The following SOCS4 variants were observed in gnomAD, a reference collection of about 807,000 sequenced individuals.
The protein encoded by SOCS4 is SH2 domain containing SOCS box protein.
SOCS4 carries 20 observed loss-of-function variants against 34.1 expected under a neutral mutation model. The ratio of observed to expected loss-of-function variants is 0.59; its 90% CI spans 0.41 to 0.85. SOCS4 has a LOEUF of 0.85. Among genes scored for constraint, SOCS4 ranks in the 40% least tolerant of loss-of-function variants. The pLI is 0.00. For missense variants in SOCS4, 479 were observed against 532.4 expected (o/e 0.90, Z 0.99); for synonymous variants, 180 against 186.4 (o/e 0.97, Z 0.28).
intron 2 of SOCS4, among the ~76,000 whole-genome samples, chr14:55,033,746 T>A (rs1435414274): frequency 6.6e-6 from 1 of 152,248 alleles, no homozygotes; most frequent in Non-Finnish European, 1.5e-5. Context: ...AGACCTTGCA[T>A]GTTATAAAAC....
intron 2 of SOCS4, among the ~76,000 whole-genome samples, chr14:55,041,853 G>T (rs193230219): frequency 7.3e-6 from 1 of 136,454 alleles, no homozygotes; most frequent in African/African-American, 2.7e-5. Context: ...GTGCCGTGGC[G>T]CAGTCTTGGT....
At chr14:55,039,425 C>A (rs1490167524) in intron 2 of SOCS4, among the ~76,000 whole-genome samples, 1 of 151,230 alleles carries the variant, frequency 6.6e-6, no homozygotes, top group Non-Finnish European at 1.5e-5. Context: ...GCGATAGAGA[C>A]CCTGTCTTAA....
Position 55,044,429 on chromosome 14 carries a change from T to C in SOCS4, c.*65T>C. Reference sequence around the variant, plus strand: ...TCTTTTAATATTTTATTTTTCTTTTTATGCCACTTTGGATTTTTCTACAAA... The same window carrying C: ...TCTTTTAATATTTTATTTTTCTTTTCATGCCACTTTGGATTTTTCTACAAA... On this transcript the variant is annotated 3_prime_UTR_variant, in exon 3 of 3. Coordinates refer to ENST00000555846, the MANE Select transcript of SOCS4 (RefSeq NM_199421.2). 1 of 1,207,578 alleles carries C rather than the reference T, an allele frequency of 8.3e-7. No homozygotes were observed. The highest frequency in any genetic ancestry group is 1.1e-6 in the Non-Finnish European group (1 of 940,912). 74.8% of individuals were successfully genotyped at this position (1,207,578 alleles called of 1,614,324 possible). A position where few individuals can be genotyped will look rare whatever the true frequency, so the allele number is the denominator to read the frequency against.
In SOCS4 at chr14:55,043,599, CTG is replaced by C; in HGVS notation, c.560_561del (p.Cys187PhefsTer19). The C allele has an allele frequency of 6.2e-7, 1 of 1,614,150 alleles. No individual in the cohort carries two copies. The highest frequency in any genetic ancestry group is 8.5e-7 in the Non-Finnish European group (1 of 1,180,014). ...GAAGAAATATGGAAGAAAATATAAACTGTTTCTCACATACCAATGTTCAGCCC... is the reference window on the plus strand; with the variant it reads ...GAAGAAATATGGAAGAAAATATAAACTTTCTCACATACCAATGTTCAGCCC... The part of the protein sequence containing the change: ...KRRNMEENIN[C>X]FSHTNVQPCV... On this transcript the variant is annotated frameshift_variant, in exon 3 of 3. Coordinates refer to ENST00000555846, the MANE Select transcript of SOCS4 (RefSeq NM_199421.2). LOFTEE classifies it high-confidence loss of function.
chr14:55,039,752 C>T (rs1418035735), intron 2 of SOCS4, among the ~76,000 whole-genome samples: 4 of 152,080 alleles, frequency 2.6e-5, no homozygotes, highest in African/African-American at 7.2e-5. Context: ...AAAAATTATC[C>T]GGGCATGGTG....
At chr14:55,032,408 A>G (rs551439314) in intron 2 of SOCS4, among the ~76,000 whole-genome samples, 1 of 152,266 alleles carries the variant, frequency 6.6e-6, no homozygotes, top group South Asian at 2.1e-4. Flanking sequence ...TATTGTTGTC[A>G]TTGTAATTTG....
intron 1 of SOCS4, among the ~76,000 whole-genome samples, chr14:55,028,705 T>C (rs1474848634): frequency 6.6e-6 from 1 of 152,232 alleles, no homozygotes; most frequent in Non-Finnish European, 1.5e-5. Flanking sequence ...TTTTCTCTTA[T>C]CAATCAAGCC....
chr14:55,030,690 A>G (rs1372175678), intron 1 of SOCS4, among the ~76,000 whole-genome samples: 1 of 152,134 alleles, frequency 6.6e-6, no homozygotes, highest in African/African-American at 2.4e-5. Context: ...TAAAAACATG[A>G]GGTAGCTGGC....
rs2042634978 is a variant in SOCS4 at position 55,043,142 on chromosome 14, G to A, written c.101G>A (p.Gly34Glu). The A allele has an allele frequency of 6.2e-7, 1 of 1,614,228 alleles. No individual in the cohort carries two copies. Among genetic ancestry groups the A allele is most frequent in the Non-Finnish European group, 8.5e-7 (1 of 1,180,038 alleles). ...ADRKDGYVWS[G>E]KKLSWSKKSE... Reference sequence around the variant, plus strand: ...AGAAAAGACGGTTATGTGTGGAGTGGAAAGAAGTTATCTTGGTCAAAAAAG... The same window carrying A: ...AGAAAAGACGGTTATGTGTGGAGTGAAAAGAAGTTATCTTGGTCAAAAAAG... The change falls in exon 3 of 3, where the codon GGA (glycine) becomes GAA (glutamate). Residue 34 changes from glycine to glutamate, a missense_variant. Coordinates refer to ENST00000555846, the MANE Select transcript of SOCS4 (RefSeq NM_199421.2).
At chr14:55,039,717 C>A (rs1230096981) in intron 2 of SOCS4, among the ~76,000 whole-genome samples, 1 of 152,102 alleles carries the variant, frequency 6.6e-6, no homozygotes, top group Non-Finnish European at 1.5e-5. Flanking sequence ...CATGGTGAAA[C>A]CTTGTCTCTA....
chr14:55,027,821 A>G (rs751792183), intron 1 of SOCS4: 2 of 152,266 alleles, frequency 1.3e-5, no homozygotes, highest in Non-Finnish European at 2.9e-5. Context: ...CGTTATGAAG[A>G]AAGTAACTTG....
intron 2 of SOCS4, among the ~76,000 whole-genome samples, chr14:55,032,792 G>GTT (rs940266779): frequency 1.3e-5 from 2 of 148,336 alleles, no homozygotes; most frequent in East Asian, 2.0e-4. Context: ...TGTATACAAA[G>GTT]TTTTTTTTTT....
chr14:55,033,224 A>G (rs1474244801), intron 2 of SOCS4, among the ~76,000 whole-genome samples: 5 of 152,238 alleles, frequency 3.3e-5, no homozygotes, highest in Non-Finnish European at 5.9e-5. Context: ...TCAAAAAACT[A>G]ATCTTTAGTC....
intron 1 of SOCS4, among the ~76,000 whole-genome samples, chr14:55,029,828 G>A (rs546085010): frequency 6.6e-6 from 1 of 152,174 alleles, no homozygotes; most frequent in South Asian, 2.1e-4. Context: ...GGGGTAAATA[G>A]TACTTGTCTG....
rs1166836406 is a variant in SOCS4 at position 55,048,058 on chromosome 14, T to C, written c.*3694T>C. The stretch of plus-strand genomic sequence containing the variant: ...TACCTCAGCTCCCAAGTAGCTGAGA[T>C]GACAGGCGTGTGCCACCACGCCCAG... On this transcript the variant is annotated 3_prime_UTR_variant, in exon 3 of 3. Transcript: ENST00000555846. 1 of 162,636 alleles carries C rather than the reference T, an allele frequency of 6.1e-6. No homozygotes were observed. Among genetic ancestry groups the C allele is most frequent in the African/African-American group, 2.4e-5 (1 of 41,476 alleles). 10.1% of individuals were successfully genotyped at this position (162,636 alleles called of 1,614,324 possible).
At position 55,048,215 on chromosome 14, in the gene SOCS4, C is replaced by G. The variant is rs1367168014; in HGVS notation, c.*3851C>G. The G allele has an allele frequency of 6.0e-6, 1 of 166,986 alleles. No individual in the cohort carries two copies. Among genetic ancestry groups the G allele is most frequent in the Non-Finnish European group, 1.5e-5 (1 of 68,142 alleles). 10.3% of individuals were successfully genotyped at this position (166,986 alleles called of 1,614,324 possible). ...GATTACAGGCATGAGCCACTGTGCC[C>G]GGCCAAGATCTAACTCACGCTTACT... On this transcript the variant is annotated 3_prime_UTR_variant, in exon 3 of 3. Coordinates refer to ENST00000555846, the MANE Select transcript of SOCS4 (RefSeq NM_199421.2).
rs763839814 is a variant in SOCS4, at chr14:55,043,448, C to T, written c.407C>T (p.Pro136Leu). The change falls in exon 3 of 3, where the codon CCT (proline) becomes CTT (leucine). Residue 136 changes from proline to leucine, a missense_variant. Physicochemically the swap from Pro to Leu is moderately conservative, Grantham distance 98. Transcript: ENST00000555846. ...ELMLDKCPFP[P>L]RSDLAFRWHF... ...ATGTTAGATAAGTGTCCTTTCCCAC[C>T]TCGATCAGATTTAGCCTTTAGGTGG... 180 of 1,614,032 alleles carry T rather than the reference C, an allele frequency of 1.1e-4. No homozygotes were observed. Among genetic ancestry groups the T allele is most frequent in the Non-Finnish European group, 1.5e-4 (172 of 1,180,030 alleles).
Position 55,027,259 on chromosome 14 carries a change from G to A in SOCS4, c.-432G>A, listed in dbSNP as rs959851340. ...ACACGGAAGTGGTGGCGGCGCCCAGGGAACCGGCGGAGGCGATGACCGTGA... is the reference window on the plus strand; with the variant it reads ...ACACGGAAGTGGTGGCGGCGCCCAGAGAACCGGCGGAGGCGATGACCGTGA... On this transcript the variant is annotated 5_prime_UTR_variant, in exon 1 of 3. Coordinates refer to ENST00000555846, the MANE Select transcript of SOCS4 (RefSeq NM_199421.2). 6.2e-5 allele frequency: 12 copies of A among 192,316 alleles called. No homozygotes were observed. The highest frequency in any genetic ancestry group is 5.3e-4 in the Admixed American group (10 of 18,730). 11.9% of individuals were successfully genotyped at this position (192,316 alleles called of 1,614,324 possible). A position where few individuals can be genotyped will look rare whatever the true frequency, so the allele number is the denominator to read the frequency against.
In SOCS4 at chr14:55,049,489, A is replaced by G. The variant is rs911240421; in HGVS notation, c.*5125A>G. Reference sequence around the variant, plus strand: ...TTAAAACTTCCTATGTAAAATCCAAAGGCTTTGTGTTTTATTTTAAAAACA... The same window carrying G: ...TTAAAACTTCCTATGTAAAATCCAAGGGCTTTGTGTTTTATTTTAAAAACA... On this transcript the variant is annotated 3_prime_UTR_variant, in exon 3 of 3. Coordinates refer to ENST00000555846, the MANE Select transcript of SOCS4 (RefSeq NM_199421.2). The G allele has an allele frequency of 3.6e-5, 6 of 166,968 alleles. No individual in the cohort carries two copies. The highest frequency in any genetic ancestry group is 5.9e-5 in the Non-Finnish European group (4 of 68,122). The allele number at this position is 166,968 out of a possible 1,614,324, so 10.3% of individuals were successfully genotyped here.
Sources: gnomAD v4.1 joint callset for allele counts (sites outside exome capture counted in the v4.1 genomes callset) on GRCh38, gnomAD v4.1.1 for gene constraint, MANE v1.5 for transcripts, NCBI Gene and HGNC (gene_info 2026-07-23, HGNC 2026-07-21) for gene names.